The following BRWD1 variants were observed in gnomAD, a reference collection of about 807,000 sequenced individuals.
BRWD1 encodes bromodomain and WD repeat-containing protein 1.
In BRWD1, 82 loss-of-function variants were observed where a neutral mutation model predicts 251.2. That is an observed-to-expected ratio of 0.33 (90% confidence interval 0.27 to 0.39). The LOEUF (loss-of-function observed/expected upper bound fraction) is 0.39, where lower values mean the gene tolerates loss of function less well. Ranked by LOEUF, BRWD1 falls within the 10% of genes least tolerant of loss-of-function variation. The pLI is 1.00. For missense variants in BRWD1, 2,233 were observed against 2,711.6 expected, an observed-to-expected ratio of 0.82 and a Z score of 3.92; for synonymous variants, 918 against 902.8, an observed-to-expected ratio of 1.02 and a Z score of -0.30.
intron 4 of BRWD1, among the ~76,000 whole-genome samples, chr21:39,310,041 C>T (rs2036429100): frequency 6.6e-6 from 1 of 152,110 alleles, no homozygotes; most frequent in African/African-American, 2.4e-5. Context: ...TGCTTAAAAA[C>T]AAGGGAGCAG....
At position 39,192,759 on chromosome 21, in the gene BRWD1, A is replaced by C. The variant is rs965416448; in HGVS notation, c.*3500T>G. ...GATACAATGGAGTGGAAAGGAAAAC[A>C]AAAAAGATCGTAAGCACCTTTAACA... On this transcript the variant is annotated 3_prime_UTR_variant, in exon 41 of 41. Coordinates refer to ENST00000342449, the MANE Select transcript of BRWD1 (RefSeq NM_033656.4). 1.3e-5 allele frequency: 13 copies of C among 985,016 alleles called. No homozygotes were observed. The highest frequency in any genetic ancestry group is 1.7e-5 in the African/African-American group (1 of 57,218). 61.0% of individuals were successfully genotyped at this position (985,016 alleles called of 1,614,324 possible).
chr21:39,284,475 C>T (rs1410890969), intron 8 of BRWD1, among the ~76,000 whole-genome samples: 1 of 152,194 alleles, frequency 6.6e-6, no homozygotes, highest in African/African-American at 2.4e-5. Flanking sequence ...GAGAACCTGC[C>T]TCTGGGGGAG....
rs1304165389 is a variant in BRWD1 at position 39,270,331 on chromosome 21, G to T, written c.1347C>A (p.Val449=). Residue 449 remains valine, a synonymous_variant, in exon 14 of 41, where the codon GTC becomes GTA. Transcript: ENST00000342449. ...SIVVTAVNDH[V]LKVWNSYTGQ... ...CAGTGTAAGAATTCCACACTTTGAG[G>T]ACATGATCATTCACAGCTGTGACAA... is the stretch of plus-strand genomic sequence containing the variant. The T allele has an allele frequency of 2.5e-6, 4 of 1,611,388 alleles. No individual in the cohort carries two copies. In the East Asian group the frequency reaches 6.7e-5, roughly 27 times the overall value.
Position 39,250,116 on chromosome 21 carries a change from G to C in BRWD1, c.2349+680C>G, listed in dbSNP as rs188809279. Among the ~76,000 whole-genome samples the C allele has an allele frequency of 3.6e-4, 54 of 152,108 alleles. No homozygotes were observed. The East Asian group carries it at 0.01, about 28-fold the overall frequency. ...CCTCCTATATGTAGGGGACTCCCTC[G>C]GGCTTTGGCTGTTAGCCCAAAAGGC... is the stretch of plus-strand genomic sequence containing the variant. On this transcript the variant is annotated intron_variant, in intron 20 of 40. Coordinates refer to ENST00000342449, the MANE Select transcript of BRWD1 (RefSeq NM_033656.4).
chr21:39,300,577 G>A lies in BRWD1; in HGVS notation c.199-1995C>T, dbSNP rs1276851078. On this transcript the variant is annotated intron_variant, in intron 4 of 40. Coordinates refer to ENST00000342449, the MANE Select transcript of BRWD1 (RefSeq NM_033656.4). ...CTCAGAGATGATCAATTACAAATTA[G>A]ATTGACCCTGTCTCACACACTAACT... is the stretch of plus-strand genomic sequence containing the variant. 2.0e-5 allele frequency among the ~76,000 whole-genome samples: 3 copies of A among 152,172 alleles called. No individual in the cohort carries two copies. In the South Asian group the frequency reaches 6.2e-4, roughly 32 times the overall value.
Position 39,196,452 on chromosome 21 carries a change from C to CTT in BRWD1, c.6615_6616dup (p.Arg2206LysfsTer9), listed in dbSNP as rs1303233974. ...ACTTAACCTAGGGCGTTTGCTTTGT[C>CTT]TTTGACGTCTCACAGTTTTAGATAT... On this transcript the variant is annotated frameshift_variant, in exon 41 of 41. Coordinates refer to ENST00000342449, the MANE Select transcript of BRWD1 (RefSeq NM_033656.4). LOFTEE classifies it high-confidence loss of function. The CTT allele has an allele frequency of 6.2e-7, 1 of 1,613,420 alleles. No homozygotes were observed. The highest frequency in any genetic ancestry group is 1.7e-5 in the Admixed American group (1 of 59,906).
intron 12 of BRWD1, 31 bp from the exon 13 acceptor site, chr21:39,274,503 A>C: frequency 6.6e-7 from 1 of 1,517,462 alleles, no homozygotes; most frequent in African/African-American, 1.4e-5. Flanking sequence ...ATCTTACTAT[A>C]TTCACACACT....
chr21:39,220,404 A>T lies in BRWD1; in HGVS notation c.3383-1744T>A, dbSNP rs144294217. ...AAAAGGGCCTTGCCTTAGAAGTCAA[A>T]AGTAAATCAGTTCTAGGCTGAGCAC... On this transcript the variant is annotated intron_variant, in intron 29 of 40. Coordinates refer to ENST00000342449, the MANE Select transcript of BRWD1 (RefSeq NM_033656.4). Among the ~76,000 whole-genome samples the T allele has an allele frequency of 7.2e-5, 11 of 152,360 alleles. No homozygotes were observed. The East Asian group carries it at 2.1e-3, about 29-fold the overall frequency.
chr21:39,191,220 C>A lies in BRWD1; in HGVS notation c.*5039G>T. On this transcript the variant is annotated 3_prime_UTR_variant, in exon 41 of 41. Transcript: ENST00000342449. Reference sequence around the variant, plus strand: ...GACAATCCAATGGCAAACCCCTTTTCCAGCAGGGCTCCTGACTCGCTTCAG... The same window carrying A: ...GACAATCCAATGGCAAACCCCTTTTACAGCAGGGCTCCTGACTCGCTTCAG... The A allele has an allele frequency of 3.0e-6, 3 of 985,320 alleles. No individual in the cohort carries two copies. The highest frequency in any genetic ancestry group is 3.6e-6 in the Non-Finnish European group (3 of 829,904). 61.0% of individuals were successfully genotyped at this position (985,320 alleles called of 1,614,324 possible).
chr21:39,222,298 A>G lies in BRWD1; in HGVS notation c.3382+2110T>C, dbSNP rs561900952. ...AATCCAAATGCCCATCAACTGATGA[A>G]TGGATAAAAATGTGTTATATCCATA... On this transcript the variant is annotated intron_variant, in intron 29 of 40. Transcript: ENST00000342449. Among the ~76,000 whole-genome samples, 4 of 152,360 alleles carry G rather than the reference A, an allele frequency of 2.6e-5. No homozygotes were observed. The East Asian group carries it at 7.7e-4, about 29-fold the overall frequency.
intron 22 of BRWD1, 52 bp downstream of exon 22, chr21:39,238,427 T>C (rs2033885063): frequency 6.9e-7 from 1 of 1,440,288 alleles, no homozygotes; most frequent in Admixed American, 1.7e-5. Flanking sequence ...TATGATTCCA[T>C]CCAAGACTAT....
At chr21:39,212,631 G>A in intron 34 of BRWD1, 35 bp downstream of exon 34, 1 of 1,480,822 alleles carries the variant, frequency 6.8e-7, no homozygotes, top group Non-Finnish European at 9.3e-7. Context: ...CAAAGAAAAA[G>A]AAACTACAAA....
chr21:39,304,717 A>T (rs2036230472), intron 4 of BRWD1, among the ~76,000 whole-genome samples: 1 of 152,184 alleles, frequency 6.6e-6, no homozygotes, highest in South Asian at 2.1e-4. Flanking sequence ...GAACACAAAA[A>T]GGTTGAAAGG....
At chr21:39,262,137 C>A (rs959981131) in intron 17 of BRWD1, among the ~76,000 whole-genome samples, 4 of 152,138 alleles carry the variant, frequency 2.6e-5, no homozygotes, top group African/African-American at 7.2e-5. Context: ...AATGTGTATG[C>A]ACCTAATGAA....
chr21:39,241,567 G>T (rs2034003875), intron 21 of BRWD1, among the ~76,000 whole-genome samples: 1 of 145,982 alleles, frequency 6.9e-6, no homozygotes, highest in Admixed American at 6.9e-5. Context: ...GTACAGAAGG[G>T]AAGTACAAAC....
intron 40 of BRWD1, among the ~76,000 whole-genome samples, chr21:39,198,449 G>T (rs1164691962): frequency 1.3e-5 from 2 of 152,148 alleles, no homozygotes; most frequent in East Asian, 3.9e-4. Flanking sequence ...GCCCCTCTCT[G>T]CTTTATTCAA....
rs551835307 is a variant in BRWD1, at chr21:39,266,069, G to A, written c.1531-1050C>T. Among the ~76,000 whole-genome samples the A allele has an allele frequency of 7.2e-5, 11 of 152,224 alleles. No homozygotes were observed. In the East Asian group the frequency reaches 1.2e-3, roughly 16 times the overall value. ...ACTTTCCAGTAACTAAATGTTACGC[G>A]TTCGGTGTTGGAGAAATGAGACATC... On this transcript the variant is annotated intron_variant, in intron 15 of 40. Coordinates refer to ENST00000342449, the MANE Select transcript of BRWD1 (RefSeq NM_033656.4).
intron 23 of BRWD1, among the ~76,000 whole-genome samples, chr21:39,234,941 A>C (rs1347203153): frequency 6.6e-6 from 1 of 152,184 alleles, no homozygotes; most frequent in East Asian, 1.9e-4. Flanking sequence ...TTTCAGAGTA[A>C]GTAAATATGA....
intron 15 of BRWD1, among the ~76,000 whole-genome samples, chr21:39,268,581 A>C (rs895868238): frequency 1.3e-5 from 2 of 152,212 alleles, no homozygotes; most frequent in Non-Finnish European, 2.9e-5. Flanking sequence ...TCATGAAAAA[A>C]TATCAGACAA....
Sources: allele counts gnomAD v4.1 joint callset (sites outside exome capture counted in the v4.1 genomes callset), GRCh38; gene constraint gnomAD v4.1.1; transcripts MANE v1.5; gene names NCBI Gene and HGNC (gene_info 2026-07-23, HGNC 2026-07-21).